RC3H1: variants seen among roughly 807,000 people sequenced by gnomAD.
The protein encoded by RC3H1 is roquin-1.
Under a neutral mutation model 138.2 loss-of-function variants are expected in RC3H1, and 50 were observed. The ratio of observed to expected loss-of-function variants is 0.36; its 90% CI spans 0.29 to 0.46. The LOEUF (loss-of-function observed/expected upper bound fraction) is 0.46, where lower values mean the gene tolerates loss of function less well. Among genes scored for constraint, RC3H1 ranks in the 20% least tolerant of loss-of-function variants. RC3H1 has a pLI of 1.00. For synonymous variants in RC3H1, 462 were observed against 489.1 expected (o/e 0.94, Z 0.73); for missense variants, 1,031 against 1,388.1 (o/e 0.74, Z 4.09).
In RC3H1 at chr1:173,940,199, C is replaced by A. The variant is rs556266590; in HGVS notation, c.3251+1066G>T. ...TAAAAAGACTGGAAAGAGCCGGGTGCGGTGGCTCATACCTGTAATCCCAGC... is the reference window on the plus strand; with the variant it reads ...TAAAAAGACTGGAAAGAGCCGGGTGAGGTGGCTCATACCTGTAATCCCAGC... On this transcript the variant is annotated intron_variant, in intron 19 of 19. Transcript: ENST00000367696. Among the ~76,000 whole-genome samples, 11 of 151,936 alleles carry A rather than the reference C, an allele frequency of 7.2e-5. No individual in the cohort carries two copies. In the East Asian group the frequency reaches 2.1e-3, roughly 29 times the overall value.
chr1:173,953,051 T>C (rs932693458), intron 13 of RC3H1, among the ~76,000 whole-genome samples: 3 of 152,142 alleles, frequency 2.0e-5, no homozygotes, highest in Admixed American at 2.0e-4. Context: ...ACTAAAAACA[T>C]CTCTTTTCTG....
chr1:173,996,239 T>C (rs567472737), intron 1 of RC3H1, among the ~76,000 whole-genome samples: 1 of 151,794 alleles, frequency 6.6e-6, no homozygotes, highest in East Asian at 1.9e-4. Context: ...AACAGAGACA[T>C]ACCAGTGCTA....
At chr1:174,016,987 T>C (rs1661873427) in intron 1 of RC3H1, among the ~76,000 whole-genome samples, 1 of 152,184 alleles carries the variant, frequency 6.6e-6, no homozygotes, top group Non-Finnish European at 1.5e-5. Flanking sequence ...AAGATCAAGG[T>C]TTCTAACACT....
chr1:173,989,475 C>T (rs941713928), intron 2 of RC3H1, among the ~76,000 whole-genome samples: 1 of 152,108 alleles, frequency 6.6e-6, no homozygotes, highest in African/African-American at 2.4e-5. Context: ...AGACGTGAGC[C>T]ACTGTGAACA....
At chr1:173,996,792 A>G (rs1288574192) in intron 1 of RC3H1, among the ~76,000 whole-genome samples, 1 of 152,130 alleles carries the variant, frequency 6.6e-6, no homozygotes, top group Non-Finnish European at 1.5e-5. Flanking sequence ...TTTCCCTCAG[A>G]GACCCACTGC....
At chr1:173,965,370 G>A (rs928055964) in intron 9 of RC3H1, among the ~76,000 whole-genome samples, 1 of 152,034 alleles carries the variant, frequency 6.6e-6, no homozygotes, top group African/African-American at 2.4e-5. Context: ...CGAGGCAGGC[G>A]GATCACGAGG....
Position 173,992,804 on chromosome 1 carries a change from A to G in RC3H1, c.182T>C (p.Ile61Thr). The G allele has an allele frequency of 6.2e-7, 1 of 1,614,130 alleles. No individual in the cohort carries two copies. The highest frequency in any genetic ancestry group is 8.5e-7 in the Non-Finnish European group (1 of 1,180,028). ...PFDQTTINTDIELLPVNSALL... is the reference protein window; with the variant it reads ...PFDQTTINTDTELLPVNSALL... ...TGCTGAGTTCACAGGGAGGAGCTCAATGTCTGTATTGATAGTGGTCTGGTC... is the reference window on the plus strand; with the variant it reads ...TGCTGAGTTCACAGGGAGGAGCTCAGTGTCTGTATTGATAGTGGTCTGGTC... The change falls in exon 2 of 20, where the codon ATT (isoleucine) becomes ACT (threonine). Residue 61 changes from isoleucine (I) to threonine (T), a missense_variant. Physicochemically the swap from Ile to Thr is moderately conservative, Grantham distance 89. Coordinates refer to ENST00000367696, the MANE Select transcript of RC3H1 (RefSeq NM_172071.4).
chr1:173,982,951 T>G (rs769611754), intron 4 of RC3H1, 49 bp from the exon 5 acceptor site: 18 of 1,476,886 alleles, frequency 1.2e-5, no homozygotes, highest in Non-Finnish European at 1.7e-5. Flanking sequence ...ATAGATAAGA[T>G]AAATCCATTT....
In RC3H1 at chr1:173,935,918, G is replaced by C. The variant is rs916938603; in HGVS notation, c.*2803C>G. 1 of 152,032 alleles carries C rather than the reference G, an allele frequency of 6.6e-6. No individual in the cohort carries two copies. The highest frequency in any genetic ancestry group is 1.5e-5 in the Non-Finnish European group (1 of 68,000). 9.4% of individuals were successfully genotyped at this position (152,032 alleles called of 1,614,324 possible). On this transcript the variant is annotated 3_prime_UTR_variant, in exon 20 of 20. Coordinates refer to ENST00000367696, the MANE Select transcript of RC3H1 (RefSeq NM_172071.4). ...GCTCTAGAGTGTAGGACCATGGAGG[G>C]GTACAGCTTGAATTCAGGTTACAAT...
chr1:174,017,837 G>C (rs377740426), intron 1 of RC3H1, among the ~76,000 whole-genome samples: 4 of 121,290 alleles, frequency 3.3e-5, no homozygotes, highest in African/African-American at 1.4e-4. Context: ...ATGCTATTTA[G>C]ATCTTGGAAA....
intron 9 of RC3H1, among the ~76,000 whole-genome samples, chr1:173,969,803 A>G (rs1660274049): frequency 6.6e-6 from 1 of 151,968 alleles, no homozygotes; most frequent in South Asian, 2.1e-4. Context: ...CCCTGAAATT[A>G]TCTTGTCCTT....
At chr1:173,999,156 A>G (rs980884366) in intron 1 of RC3H1, among the ~76,000 whole-genome samples, 1 of 151,898 alleles carries the variant, frequency 6.6e-6, no homozygotes, top group African/African-American at 2.4e-5. Context: ...TGGGAGGCTG[A>G]GGTTGGCAGA....
At position 174,022,251 on chromosome 1, in the gene RC3H1, C is replaced by T. The variant is rs1661986198; in HGVS notation, c.-306G>A. ...CCGCCGCCACCGCCAGCACCGCCTCCGGCCTCCCACCTGCTGCTGCTGAGG... is the reference window on the plus strand; with the variant it reads ...CCGCCGCCACCGCCAGCACCGCCTCTGGCCTCCCACCTGCTGCTGCTGAGG... On this transcript the variant is annotated 5_prime_UTR_variant, in exon 1 of 20. Coordinates refer to ENST00000367696, the MANE Select transcript of RC3H1 (RefSeq NM_172071.4). This position sits in a 1 kb window ranked among gnomAD's most constrained non-coding sequence, Gnocchi z 4.2. 2.6e-6 allele frequency: 1 copy of T among 391,202 alleles called. No homozygotes were observed. Among genetic ancestry groups the T allele is most frequent in the Non-Finnish European group, 4.5e-6 (1 of 221,684 alleles). The allele number at this position is 391,202 out of a possible 1,614,324, so 24.2% of individuals were successfully genotyped here.
At position 173,962,095 on chromosome 1, in the gene RC3H1, C is replaced by A. The variant is rs1212903910; in HGVS notation, c.1832G>T (p.Gly611Val). 1 of 1,607,068 alleles carries A rather than the reference C, an allele frequency of 6.2e-7. No homozygotes were observed. Among genetic ancestry groups the A allele is most frequent in the Non-Finnish European group, 8.5e-7 (1 of 1,175,448 alleles). Reference sequence around the variant, plus strand: ...TTGTGGTGGTGGAGTATAATACATACCTGCACAATACAAAAGAGGACCCAA... The same window carrying A: ...TTGTGGTGGTGGAGTATAATACATAACTGCACAATACAAAAGAGGACCCAA... Reference protein sequence around the residue: ...PPFEPAPYQQGMYYTPPPQCV... With the variant: ...PPFEPAPYQQVMYYTPPPQCV... The change falls in exon 12 of 20, where the codon GGT becomes GTT. Residue 611 changes from glycine (G) to valine (V), a missense_variant and splice_region_variant. Coordinates refer to ENST00000367696, the MANE Select transcript of RC3H1 (RefSeq NM_172071.4).
chr1:173,951,870 A>G (rs1659415504), intron 14 of RC3H1, 116 bp downstream of exon 14: 2 of 894,166 alleles, frequency 2.2e-6, no homozygotes, highest in East Asian at 2.8e-5. Context: ...CAGAGTATAG[A>G]ATATGGTCTG....
intron 7 of RC3H1, among the ~76,000 whole-genome samples, chr1:173,977,114 CG>C (rs1416943147): frequency 6.6e-6 from 1 of 151,754 alleles, no homozygotes; most frequent in Non-Finnish European, 1.5e-5. Context: ...TTAGTAGAGA[CG>C]GGGTTTCATC....
rs1368036948 is a variant in RC3H1, at chr1:174,022,002, C to A, written c.-151+94G>T. 2 of 385,070 alleles carry A rather than the reference C, an allele frequency of 5.2e-6. No homozygotes were observed. Among genetic ancestry groups the A allele is most frequent in the Non-Finnish European group, 9.2e-6 (2 of 217,504 alleles). 23.9% of individuals were successfully genotyped at this position (385,070 alleles called of 1,614,324 possible). ...CGGAGGAGCAGAGGGCGGGCGAGGA[C>A]AAACCCTTCCCGACCACAGCTGCCT... On this transcript the variant is annotated intron_variant, in intron 1 of 19. Coordinates refer to ENST00000367696, the MANE Select transcript of RC3H1 (RefSeq NM_172071.4). This position sits in a 1 kb window ranked among gnomAD's most constrained non-coding sequence, Gnocchi z 4.2.
At position 173,978,546 on chromosome 1, in the gene RC3H1, T is replaced by C; in HGVS notation, c.1044A>G (p.Ala348=). 6.2e-7 allele frequency: 1 copy of C among 1,614,124 alleles called. No homozygotes were observed. Among genetic ancestry groups the C allele is most frequent in the Non-Finnish European group, 8.5e-7 (1 of 1,179,996 alleles). Reference sequence around the variant, plus strand: ...AATGGGGTCTTAGTCGGTTCAAGTTTGCTGGGTCTCCAGTTCGCTGGAGAG... The same window carrying C: ...AATGGGGTCTTAGTCGGTTCAAGTTCGCTGGGTCTCCAGTTCGCTGGAGAG... ...TIALQRTGDP[A]NLNRLRPHLE... Residue 348 remains alanine, a synonymous_variant, in exon 7 of 20, where the codon GCA becomes GCG. Transcript: ENST00000367696.
intron 1 of RC3H1, among the ~76,000 whole-genome samples, chr1:174,008,035 TCTC>T (rs1661684614): frequency 6.6e-6 from 1 of 152,188 alleles, no homozygotes; most frequent in Non-Finnish European, 1.5e-5. Context: ...ACACTAATAG[TCTC>T]CTATTACTTG....
Sources: gnomAD v4.1 joint callset for allele counts (sites outside exome capture counted in the v4.1 genomes callset) on GRCh38, gnomAD v4.1.1 for gene constraint, Gnocchi (gnomAD v3.1) non-coding constraint, MANE v1.5 for transcripts, NCBI Gene and HGNC (gene_info 2026-07-23, HGNC 2026-07-21) for gene names.